Variants in LRRC7 observed in about 807,000 individuals in gnomAD.
The protein encoded by LRRC7 is leucine rich repeat containing 7.
In LRRC7, 23 loss-of-function variants were observed where a neutral mutation model predicts 175.7. That is an observed-to-expected ratio of 0.13 (90% CI 0.09 to 0.19). The LOEUF (loss-of-function observed/expected upper bound fraction) is 0.19. LRRC7 is among the 10% of genes least tolerant of loss of function. The probability of loss-of-function intolerance (pLI) is 1.00; values close to 1 mark genes in which losing one functional copy is unlikely to be tolerated. For missense variants in LRRC7, 1,354 were observed against 1,904.7 expected, an observed-to-expected ratio of 0.71 and a Z score of 5.38; for synonymous variants, 685 against 680.9, an observed-to-expected ratio of 1.01 and a Z score of -0.09.
intron 1 of LRRC7, among the ~76,000 whole-genome samples, chr1:69,668,207 A>G (rs1658547597): frequency 2.0e-5 from 3 of 152,132 alleles, no homozygotes; most frequent in Non-Finnish European, 2.9e-5. Flanking sequence ...TAGTTTTGTT[A>G]CATAGGTATA....
chr1:70,073,207 G>A (rs1662519337), intron 23 of LRRC7, among the ~76,000 whole-genome samples: 1 of 152,072 alleles, frequency 6.6e-6, no homozygotes, highest in East Asian at 1.9e-4. Flanking sequence ...GTGTTTGGGT[G>A]GTAGCTATTA....
At chr1:70,003,901 C>A (rs1308663339) in intron 11 of LRRC7, among the ~76,000 whole-genome samples, 1 of 151,858 alleles carries the variant, frequency 6.6e-6, no homozygotes, top group Non-Finnish European at 1.5e-5. Context: ...TCATCAGTTG[C>A]AGATATGTTC....
intron 1 of LRRC7, among the ~76,000 whole-genome samples, chr1:69,664,718 G>A (rs1306699583): frequency 6.6e-6 from 1 of 152,148 alleles, no homozygotes; most frequent in Non-Finnish European, 1.5e-5. Flanking sequence ...CTTGTCAGAT[G>A]GGTAGTTTGC....
At chr1:69,797,486 C>G (rs936523614) in intron 4 of LRRC7, among the ~76,000 whole-genome samples, 2 of 152,166 alleles carry the variant, frequency 1.3e-5, no homozygotes, top group African/African-American at 2.4e-5. Flanking sequence ...GTTAATGTTA[C>G]TATGATCTAC....
intron 2 of LRRC7, among the ~76,000 whole-genome samples, chr1:69,699,722 G>A (rs1053855721): frequency 6.6e-6 from 1 of 151,594 alleles, no homozygotes; most frequent in African/African-American, 2.4e-5. Flanking sequence ...GGCCAAAGAT[G>A]GCCCCACACA....
chr1:69,814,066 A>G (rs1337618221), intron 4 of LRRC7, among the ~76,000 whole-genome samples: 1 of 152,116 alleles, frequency 6.6e-6, no homozygotes, highest in Non-Finnish European at 1.5e-5. Context: ...TAAATTGAAA[A>G]CAGTTGTTTC....
At chr1:69,754,880 C>T (rs1670231869) in intron 2 of LRRC7, among the ~76,000 whole-genome samples, 1 of 151,812 alleles carries the variant, frequency 6.6e-6, no homozygotes, top group South Asian at 2.1e-4. Flanking sequence ...TACCATTTAA[C>T]TTATGAAAAA....
At chr1:69,927,579 C>G (rs1041189319) in intron 7 of LRRC7, among the ~76,000 whole-genome samples, 1 of 152,172 alleles carries the variant, frequency 6.6e-6, no homozygotes, top group Non-Finnish European at 1.5e-5. Context: ...CACTGATACC[C>G]TTTCTTCCAG....
At position 70,137,100 on chromosome 1, in the gene LRRC7, T is replaced by C. The variant is rs1199512622; in HGVS notation, c.*15213T>C. On this transcript the variant is annotated 3_prime_UTR_variant, in exon 27 of 27. Transcript: ENST00000651989. ...GGAAAGTTCTTGTCCCTTGTATATATGTATCTTGTCAAAAAGGACAAGGCT... is the reference window on the plus strand; with the variant it reads ...GGAAAGTTCTTGTCCCTTGTATATACGTATCTTGTCAAAAAGGACAAGGCT... Among the ~76,000 whole-genome samples the C allele has an allele frequency of 6.6e-6, 1 of 152,176 alleles. No individual in the cohort carries two copies. The highest frequency in any genetic ancestry group is 1.5e-5 in the Non-Finnish European group (1 of 68,030).
chr1:69,709,184 C>T (rs1664439169), intron 2 of LRRC7, among the ~76,000 whole-genome samples: 1 of 152,192 alleles, frequency 6.6e-6, no homozygotes. Context: ...CAAAATTAAA[C>T]TCCAAAATAA....
chr1:69,574,487 G>T (rs1645865532), intron 1 of LRRC7, among the ~76,000 whole-genome samples: 1 of 152,006 alleles, frequency 6.6e-6, no homozygotes, highest in Non-Finnish European at 1.5e-5. Flanking sequence ...AATACTGGAA[G>T]GAAAGGTAAG....
Position 69,917,563 on chromosome 1 carries a change from G to C in LRRC7, c.648-13944G>C, listed in dbSNP as rs115848044. Among the ~76,000 whole-genome samples, 1,249 of 152,244 alleles carry C rather than the reference G, an allele frequency of 8.2e-3. 17 individuals are homozygous for C. The highest frequency in any genetic ancestry group is 0.028 in the African/African-American group (1,143 of 41,532). On this transcript the variant is annotated intron_variant, in intron 7 of 26. Coordinates refer to ENST00000651989, the MANE Select transcript of LRRC7 (RefSeq NM_001370785.2). ...ACATTTGACAATGTCTGGAGACATTGTGATGGTAACAACTGTAAAGAGTGC... is the reference window on the plus strand; with the variant it reads ...ACATTTGACAATGTCTGGAGACATTCTGATGGTAACAACTGTAAAGAGTGC...
chr1:69,624,564 G>T (rs1321315124), intron 1 of LRRC7, among the ~76,000 whole-genome samples: 2 of 151,586 alleles, frequency 1.3e-5, no homozygotes, highest in Admixed American at 6.6e-5. Context: ...TTTGTATCCT[G>T]CTTAAGAAAT....
At chr1:69,988,829 T>G (rs1654172637) in intron 10 of LRRC7, among the ~76,000 whole-genome samples, 1 of 151,876 alleles carries the variant, frequency 6.6e-6, no homozygotes, top group Non-Finnish European at 1.5e-5. Context: ...GGGGGTCAGG[T>G]GGAGGTAACC....
intron 2 of LRRC7, among the ~76,000 whole-genome samples, chr1:69,754,929 A>G (rs567782143): frequency 6.6e-6 from 1 of 152,014 alleles, no homozygotes; most frequent in Non-Finnish European, 1.5e-5. Flanking sequence ...TATTGTAAAG[A>G]AAAAAAGGGT....
At position 69,885,498 on chromosome 1, in the gene LRRC7, C is replaced by G. The variant is rs547908720; in HGVS notation, c.648-46009C>G. Among the ~76,000 whole-genome samples the G allele has an allele frequency of 2.1e-5, 3 of 141,708 alleles. No individual in the cohort carries two copies. In the East Asian group the frequency reaches 6.3e-4, roughly 30 times the overall value. 93.0% of individuals were successfully genotyped at this position (141,708 alleles called of 152,430 possible). A position where few individuals can be genotyped will look rare whatever the true frequency, so the allele number is the denominator to read the frequency against. ...CATTTTTTACTGTGTCTATTTGATT[C>G]TTCTCTCTTTTTTTCTTTATTAGTC... On this transcript the variant is annotated intron_variant, in intron 7 of 26. Transcript: ENST00000651989.
intron 7 of LRRC7, among the ~76,000 whole-genome samples, chr1:69,867,095 TTTTTATTTTCGTTCTGA>T: frequency 6.6e-6 from 1 of 152,228 alleles, no homozygotes; most frequent in South Asian, 2.1e-4. Flanking sequence ...GAAAAAATAG[TTTTTATTTTCGTTCTGA>T]TTATGATTTT....
At chr1:69,661,985 G>T (rs923828058) in intron 1 of LRRC7, among the ~76,000 whole-genome samples, 2 of 152,088 alleles carry the variant, frequency 1.3e-5, no homozygotes, top group African/African-American at 4.8e-5. Flanking sequence ...GAAGCCTCCA[G>T]GGGAAGGTGC....
chr1:70,005,985 T>C (rs1311416730), intron 11 of LRRC7, among the ~76,000 whole-genome samples: 1 of 152,020 alleles, frequency 6.6e-6, no homozygotes, highest in Admixed American at 6.6e-5. Context: ...TAACCTTTGG[T>C]CTTTTTTTTT....
Sources: allele counts gnomAD v4.1 joint callset (sites outside exome capture counted in the v4.1 genomes callset), GRCh38; gene constraint gnomAD v4.1.1; transcripts MANE v1.5; gene names NCBI Gene and HGNC (gene_info 2026-07-23, HGNC 2026-07-21).